The following PFKP variants were observed in gnomAD, a reference collection of about 807,000 sequenced individuals.
PFKP encodes the protein phosphofructokinase, platelet, also known as ATP-dependent 6-phosphofructokinase, platelet type.
In PFKP, 101 loss-of-function variants were observed where a neutral mutation model predicts 94.3. The ratio of observed to expected loss-of-function variants is 1.07; its 90% CI spans 0.91 to 1.26. PFKP has a LOEUF of 1.26. PFKP is among the 50% of genes most tolerant of loss of function. The probability of loss-of-function intolerance (pLI) is 0.00; values close to 1 mark genes in which losing one functional copy is unlikely to be tolerated. For missense variants in PFKP, 1,145 were observed against 1,103.3 expected, an observed-to-expected ratio of 1.04 and a Z score of -0.53; for synonymous variants, 573 against 432.6, an observed-to-expected ratio of 1.32 and a Z score of -4.03.
At chr10:3,135,538 G>A (rs2306315) in intron 20 of PFKP, among the ~76,000 whole-genome samples, 198 bp from the exon 21 acceptor site, 62,018 of 152,004 alleles carry the variant, frequency 0.41, 12,775 homozygotes, top group African/African-American at 0.45. Flanking sequence ...GGAAGCCCTC[G>A]GGGCAGTCCC....
chr10:3,067,787 C>T, intron 1 of PFKP, 80 bp downstream of exon 1: 1 of 622,848 alleles, frequency 1.6e-6, no homozygotes, highest in Non-Finnish European at 2.5e-6. Context: ...ATGGGGTGAC[C>T]GGAGAGAAGA....
At chr10:3,133,019 A>G (rs1564358841) in intron 18 of PFKP, among the ~76,000 whole-genome samples, 184 bp from the exon 19 acceptor site, 1 of 152,208 alleles carries the variant, frequency 6.6e-6, no homozygotes, top group Non-Finnish European at 1.5e-5. Flanking sequence ...GCCTCAGTTG[A>G]CCACTGGACC....
chr10:3,082,582 G>A lies in PFKP; in HGVS notation c.186+121G>A, dbSNP rs990918685. Reference sequence around the variant, plus strand: ...AGCACAGCCGAAGAGGTGGGCAGGGGAGCAAGATCCTGCCAGCCAGGGCCG... The same window carrying A: ...AGCACAGCCGAAGAGGTGGGCAGGGAAGCAAGATCCTGCCAGCCAGGGCCG... On this transcript the variant is annotated intron_variant, in intron 2 of 21. Coordinates refer to ENST00000381125, the MANE Select transcript of PFKP (RefSeq NM_002627.5). 5.2e-5 allele frequency: 30 copies of A among 579,792 alleles called. No homozygotes were observed. The African/African-American group carries it at 5.3e-4, about 10-fold the overall frequency. 35.9% of individuals were successfully genotyped at this position (579,792 alleles called of 1,614,324 possible). A position where few individuals can be genotyped will look rare whatever the true frequency, so the allele number is the denominator to read the frequency against.
At position 3,120,139 on chromosome 10, in the gene PFKP, T is replaced by A; in HGVS notation, c.1683+95T>A. 4 of 951,416 alleles carry A rather than the reference T, an allele frequency of 4.2e-6. No individual in the cohort carries two copies. The South Asian group carries it at 5.6e-5, about 13-fold the overall frequency. 58.9% of individuals were successfully genotyped at this position (951,416 alleles called of 1,614,324 possible). ...CTACCAGTGCGCTAGAAATAGCCTT[T>A]TACAAATACCCTGAATGAGAGCTTC... On this transcript the variant is annotated intron_variant, in intron 16 of 21. Transcript: ENST00000381125.
chr10:3,067,908 G>A (rs1831855310), intron 1 of PFKP, among the ~76,000 whole-genome samples: 1 of 152,156 alleles, frequency 6.6e-6, no homozygotes, highest in African/African-American at 2.4e-5. Context: ...GCGCCCGGAA[G>A]CGGCAGGGGT....
Position 3,116,017 on chromosome 10 carries a change from T to C in PFKP, c.1372-759T>C, listed in dbSNP as rs76079021. ...TGGATCTTGCTTTCCCCGTCTTTCT[T>C]GTTCAGACTTGTGAAGATTAATTGG... is the stretch of plus-strand genomic sequence containing the variant. On this transcript the variant is annotated intron_variant, in intron 13 of 21. Coordinates refer to ENST00000381125, the MANE Select transcript of PFKP (RefSeq NM_002627.5). Among the ~76,000 whole-genome samples, 1,199 of 152,332 alleles carry C rather than the reference T, an allele frequency of 7.9e-3. 8 individuals are homozygous for C. Among genetic ancestry groups the C allele is most frequent in the East Asian group, 0.024 (127 of 5,188 alleles).
chr10:3,120,322 G>A (rs746511695), intron 16 of PFKP, among the ~76,000 whole-genome samples: 1 of 152,008 alleles, frequency 6.6e-6, no homozygotes, highest in Non-Finnish European at 1.5e-5. Flanking sequence ...AGGCGCTGAG[G>A]AGGGCTGGGT....
chr10:3,113,067 G>A, intron 11 of PFKP, 52 bp from the exon 12 acceptor site: 2 of 1,529,682 alleles, frequency 1.3e-6, no homozygotes, highest in Non-Finnish European at 1.8e-6. Context: ...CATGAGCCCT[G>A]AGTTGTGTCC....
intron 2 of PFKP, among the ~76,000 whole-genome samples, chr10:3,089,035 G>C (rs766311191): frequency 1.3e-5 from 2 of 152,070 alleles, no homozygotes; most frequent in African/African-American, 2.4e-5. Context: ...GGGTTCAAGC[G>C]ATTCTCCTGC....
rs2063719846 is a variant in PFKP at position 3,136,657 on chromosome 10, TTATGCACG to T, written c.*82_*89del. The T allele has an allele frequency of 1.3e-6, 2 of 1,493,360 alleles. No individual in the cohort carries two copies. The highest frequency in any genetic ancestry group is 1.8e-6 in the Non-Finnish European group (2 of 1,087,192). 92.5% of individuals were successfully genotyped at this position (1,493,360 alleles called of 1,614,324 possible). On this transcript the variant is annotated 3_prime_UTR_variant, in exon 22 of 22. Transcript: ENST00000381125. ...ACACTTAAGTTATTTTATCAGCACT[TTATGCACG>T]TATTATTGACATTAATACCTAATCG...
chr10:3,104,984 G>T (rs1171532166), intron 5 of PFKP, 131 bp from the exon 6 acceptor site: 3 of 807,110 alleles, frequency 3.7e-6, no homozygotes, highest in South Asian at 1.5e-5. Flanking sequence ...GTCCCTGCAG[G>T]CCTCCTGGCT....
At position 3,101,452 on chromosome 10, in the gene PFKP, G is replaced by C; in HGVS notation, c.352G>C (p.Gly118Arg). 1 of 1,610,100 alleles carries C rather than the reference G, an allele frequency of 6.2e-7. No homozygotes were observed. The highest frequency in any genetic ancestry group is 8.5e-7 in the Non-Finnish European group (1 of 1,178,588). Residue 118 changes from glycine to arginine, a missense_variant, in exon 4 of 22, where the codon GGC becomes CGC. Physicochemically the swap from Gly to Arg is moderately radical, Grantham distance 125. Transcript: ENST00000381125. ...LKAACNLLQR[G>R]ITNLCVIGGD... ...GGCTGCTTGCAACCTGCTGCAGCGC[G>C]GCATCACCAACCTGTGTGTGATCGG...
In PFKP at chr10:3,136,731, CTG is replaced by C; in HGVS notation, c.*155_*156del. On this transcript the variant is annotated 3_prime_UTR_variant, in exon 22 of 22. Transcript: ENST00000381125. Reference sequence around the variant, plus strand: ...CCCCACCTGCTCCAGTGCGTGCTGTCTGTGGAGTGTGTCTCATGCTTTCAGAT... The same window carrying C: ...CCCCACCTGCTCCAGTGCGTGCTGTCTGGAGTGTGTCTCATGCTTTCAGAT... 2.9e-6 allele frequency: 2 copies of C among 679,590 alleles called. No individual in the cohort carries two copies. Among genetic ancestry groups the C allele is most frequent in the South Asian group, 1.8e-5 (1 of 54,576 alleles). 42.1% of individuals were successfully genotyped at this position (679,590 alleles called of 1,614,324 possible).
chr10:3,089,668 C>T (rs1411559766), intron 2 of PFKP, among the ~76,000 whole-genome samples: 3 of 149,288 alleles, frequency 2.0e-5, no homozygotes, highest in Admixed American at 1.3e-4. Flanking sequence ...TATTATTATA[C>T]ATTATGTATA....
intron 13 of PFKP, among the ~76,000 whole-genome samples, chr10:3,114,747 C>A (rs4881093): frequency 0.93 from 141,686 of 152,308 alleles, 66,655 homozygotes; most frequent in Non-Finnish European, 1. Flanking sequence ...CTCACAGGGG[C>A]GGGGGCTCCA....
intron 1 of PFKP, among the ~76,000 whole-genome samples, chr10:3,075,074 G>C (rs889294615): frequency 1.3e-5 from 2 of 152,192 alleles, no homozygotes; most frequent in Non-Finnish European, 2.9e-5. Context: ...GAATAGGTTG[G>C]GCTAGTTAAC....
intron 7 of PFKP, 63 bp from the exon 8 acceptor site, chr10:3,107,151 T>C (rs1342276081): frequency 1.0e-6 from 1 of 996,504 alleles, no homozygotes; most frequent in African/African-American, 1.6e-5. Flanking sequence ...TCTGTGGTTT[T>C]GTTGCATTTG....
At chr10:3,088,936 C>T (rs992508705) in intron 2 of PFKP, among the ~76,000 whole-genome samples, 12 of 151,646 alleles carry the variant, frequency 7.9e-5, no homozygotes, top group African/African-American at 2.9e-4. Flanking sequence ...TGGCTTATTT[C>T]TTATTTCTTT....
intron 12 of PFKP, 41 bp from the exon 13 acceptor site, chr10:3,113,331 T>A: frequency 6.3e-7 from 1 of 1,576,224 alleles, no homozygotes; most frequent in Non-Finnish European, 8.6e-7. Context: ...GGAGCTCACG[T>A]GTGCCCGTGA....
Sources: allele counts gnomAD v4.1 joint callset (sites outside exome capture counted in the v4.1 genomes callset), GRCh38; gene constraint gnomAD v4.1.1; transcripts MANE v1.5; gene names NCBI Gene and HGNC (gene_info 2026-07-23, HGNC 2026-07-21).